Variants in PPP1R14C observed in about 807,000 individuals in gnomAD.
PPP1R14C encodes protein phosphatase 1 regulatory subunit 14C.
PPP1R14C carries 16 observed loss-of-function variants against 20.4 expected under a neutral mutation model. The observed-to-expected ratio is 0.78, with a 90% CI of 0.53 to 1.19. The LOEUF (loss-of-function observed/expected upper bound fraction) is 1.19. PPP1R14C is among the 50% of genes most tolerant of loss of function. The probability of loss-of-function intolerance (pLI) is 0.00; values close to 1 mark genes in which losing one functional copy is unlikely to be tolerated. For synonymous variants in PPP1R14C, 91 were observed against 91.0 expected, an observed-to-expected ratio of 1.00 and a Z score of 0.00; for missense variants, 211 against 220.1, an observed-to-expected ratio of 0.96 and a Z score of 0.26.
chr6:150,232,500 G>C (rs535017459), intron 3 of PPP1R14C, among the ~76,000 whole-genome samples: 14 of 152,218 alleles, frequency 9.2e-5, no homozygotes, highest in African/African-American at 1.4e-4. Context: ...TTTCGTGACT[G>C]TAAGGTCTTA....
chr6:150,175,392 T>G (rs1777550417), intron 1 of PPP1R14C, among the ~76,000 whole-genome samples: 1 of 152,234 alleles, frequency 6.6e-6, no homozygotes, highest in Non-Finnish European at 1.5e-5. Context: ...CCTCTTTTTC[T>G]GTGTAAAATC....
At chr6:150,217,265 G>C (rs567661808) in intron 3 of PPP1R14C, among the ~76,000 whole-genome samples, 51 of 147,122 alleles carry the variant, frequency 3.5e-4, no homozygotes, top group Non-Finnish European at 6.8e-4. Context: ...GTGTGATCTC[G>C]GCTCACTGCA....
intron 1 of PPP1R14C, among the ~76,000 whole-genome samples, chr6:150,192,735 CT>C (rs780829047): frequency 3.9e-5 from 6 of 152,210 alleles, no homozygotes; most frequent in Non-Finnish European, 7.3e-5. Flanking sequence ...CTCTTGGGCT[CT>C]CTTACACAGC....
chr6:150,234,319 G>A (rs1283053706), intron 3 of PPP1R14C, among the ~76,000 whole-genome samples: 1 of 152,104 alleles, frequency 6.6e-6, no homozygotes, highest in African/African-American at 2.4e-5. Flanking sequence ...TTAGAAAACT[G>A]TGGGGAGGGG....
rs1229226502 is a variant in PPP1R14C, at chr6:150,201,284, G to A, written c.307-13460G>A. Among the ~76,000 whole-genome samples, 3 of 152,264 alleles carry A rather than the reference G, an allele frequency of 2.0e-5. No homozygotes were observed. In the East Asian group the frequency reaches 5.8e-4, roughly 29 times the overall value. ...AGACTGAGAAATGTGAATTGGAAGA[G>A]TGTGGAAAGTGCAGCGAAAGAGAGG... On this transcript the variant is annotated intron_variant, in intron 1 of 3. Coordinates refer to ENST00000361131, the MANE Select transcript of PPP1R14C (RefSeq NM_030949.3). The surrounding 1 kb of genome is among the most constrained non-coding windows in gnomAD (Gnocchi z 4.2).
At position 150,215,717 on chromosome 6, in the gene PPP1R14C, A is replaced by G. The variant is rs867767523; in HGVS notation, c.390+890A>G. ...AAAAGATAACGCAGGTATCAGTTCT[A>G]TAGAAAATGTAATGACATAACAGAG... On this transcript the variant is annotated intron_variant, in intron 2 of 3. Coordinates refer to ENST00000361131, the MANE Select transcript of PPP1R14C (RefSeq NM_030949.3). Among the ~76,000 whole-genome samples, 7 of 152,366 alleles carry G rather than the reference A, an allele frequency of 4.6e-5. 1 individual carries two copies. The South Asian group carries it at 1.5e-3, about 32-fold the overall frequency.
At chr6:150,168,871 G>A (rs1340730497) in intron 1 of PPP1R14C, among the ~76,000 whole-genome samples, 1 of 151,792 alleles carries the variant, frequency 6.6e-6, no homozygotes, top group African/African-American at 2.4e-5. Context: ...TTAACATATC[G>A]ATAGAAAATT....
At chr6:150,153,657 A>G (rs1777274991) in intron 1 of PPP1R14C, among the ~76,000 whole-genome samples, 1 of 152,088 alleles carries the variant, frequency 6.6e-6, no homozygotes, top group Non-Finnish European at 1.5e-5. Flanking sequence ...GGGCCAATAC[A>G]TTCTCACTAG....
chr6:150,211,852 AT>A (rs1428912131), intron 1 of PPP1R14C, among the ~76,000 whole-genome samples: 4 of 152,174 alleles, frequency 2.6e-5, no homozygotes, highest in Non-Finnish European at 5.9e-5. Flanking sequence ...CCTCTGATAA[AT>A]CAGGGTGGGA....
intron 1 of PPP1R14C, among the ~76,000 whole-genome samples, chr6:150,200,149 T>C (rs1777858154): frequency 6.7e-6 from 1 of 148,950 alleles, no homozygotes; most frequent in Non-Finnish European, 1.5e-5. Context: ...GTTGATATAT[T>C]AATATTTGAG....
chr6:150,152,119 CAAAAAAAAAAAAAAAAAAAAAA>C (rs577869928), intron 1 of PPP1R14C, among the ~76,000 whole-genome samples: 2 of 84,948 alleles, frequency 2.4e-5, no homozygotes, highest in Non-Finnish European at 5.7e-5. Context: ...GACTCCGTCT[CAAAAAAAAAAAAAAAAAAAAAA>C]AAAAAAGAAG....
chr6:150,204,425 G>A lies in PPP1R14C; in HGVS notation c.307-10319G>A, dbSNP rs567495978. Among the ~76,000 whole-genome samples, 38 of 152,198 alleles carry A rather than the reference G, an allele frequency of 2.5e-4. 1 individual carries two copies. The South Asian group carries it at 7.5e-3, about 30-fold the overall frequency. ...TGAATGCTGTGGTTTTGAACAAATC[G>A]GTAATGTGATAAGTCTTCACTTAAC... On this transcript the variant is annotated intron_variant, in intron 1 of 3. Transcript: ENST00000361131.
chr6:150,155,559 C>T (rs184144622), intron 1 of PPP1R14C, among the ~76,000 whole-genome samples: 13 of 152,226 alleles, frequency 8.5e-5, no homozygotes, highest in Admixed American at 2.6e-4. Context: ...CACCATTTCC[C>T]CCCAGATACC....
rs572290372 is a variant in PPP1R14C at position 150,237,772 on chromosome 6, G to C, written c.424-10974G>C. Among the ~76,000 whole-genome samples the C allele has an allele frequency of 3.9e-5, 6 of 152,278 alleles. No homozygotes were observed. The East Asian group carries it at 7.7e-4, about 20-fold the overall frequency. The stretch of plus-strand genomic sequence containing the variant: ...TGATTCATTTCTAAGTGGTGCAGAA[G>C]GATTTGAACCCAAGTCATCTGACTC... On this transcript the variant is annotated intron_variant, in intron 3 of 3. Coordinates refer to ENST00000361131, the MANE Select transcript of PPP1R14C (RefSeq NM_030949.3).
rs1778533372 is a variant in PPP1R14C, at chr6:150,249,273, A to T, written c.*453A>T. 1 of 399,214 alleles carries T rather than the reference A, an allele frequency of 2.5e-6. No homozygotes were observed. The highest frequency in any genetic ancestry group is 4.4e-6 in the Non-Finnish European group (1 of 226,222). The allele number at this position is 399,214 out of a possible 1,614,324, so 24.7% of individuals were successfully genotyped here. ...GTATATATCTACACACAACTAAGTT[A>T]AAATGTTGATGTGAGTTTTATTTCA... On this transcript the variant is annotated 3_prime_UTR_variant, in exon 4 of 4. Coordinates refer to ENST00000361131, the MANE Select transcript of PPP1R14C (RefSeq NM_030949.3).
chr6:150,202,233 C>T (rs1184995205), intron 1 of PPP1R14C, among the ~76,000 whole-genome samples: 1 of 152,180 alleles, frequency 6.6e-6, no homozygotes, highest in Admixed American at 6.5e-5. Flanking sequence ...CACCCCACAA[C>T]AAGGCTTGCC....
At chr6:150,214,913 C>T in intron 2 of PPP1R14C, 86 bp downstream of exon 2, 1 of 950,370 alleles carries the variant, frequency 1.1e-6, no homozygotes, top group Middle Eastern at 2.1e-4. Context: ...TCAACTGATT[C>T]CGCCCTGTGG....
chr6:150,214,628 C>T (rs1778067745), intron 1 of PPP1R14C, 116 bp from the exon 2 acceptor site: 3 of 672,626 alleles, frequency 4.5e-6, no homozygotes, highest in Non-Finnish European at 7.8e-6. Flanking sequence ...CCCTGCTTAT[C>T]TGTCAGCCCT....
chr6:150,164,906 C>A (rs1777407775), intron 1 of PPP1R14C, among the ~76,000 whole-genome samples: 1 of 152,124 alleles, frequency 6.6e-6, no homozygotes, highest in Non-Finnish European at 1.5e-5. Context: ...GGGATTAGTG[C>A]CCTTATAAAA....
Sources: gnomAD v4.1 joint callset for allele counts (sites outside exome capture counted in the v4.1 genomes callset) on GRCh38, gnomAD v4.1.1 for gene constraint, Gnocchi (gnomAD v3.1) non-coding constraint, MANE v1.5 for transcripts, NCBI Gene and HGNC (gene_info 2026-07-23, HGNC 2026-07-21) for gene names.